CPPED1: variants seen among roughly 807,000 people sequenced by gnomAD.
CPPED1 encodes the protein serine/threonine-protein phosphatase CPPED1.
In CPPED1, 28 loss-of-function variants were observed where a neutral mutation model predicts 28.0. That is an observed-to-expected ratio of 1.00 (90% CI 0.74 to 1.37). The LOEUF is 1.37. CPPED1 is among the 40% of genes most tolerant of loss of function. The pLI, the probability that CPPED1 is intolerant of heterozygous loss-of-function variation, is 0.00. For synonymous variants in CPPED1, 198 were observed against 180.2 expected, an observed-to-expected ratio of 1.10 and a Z score of -0.79; for missense variants, 504 against 416.5, an observed-to-expected ratio of 1.21 and a Z score of -1.83.
At chr16:12,736,226 G>A (rs954956451) in intron 2 of CPPED1, among the ~76,000 whole-genome samples, 8 of 151,888 alleles carry the variant, frequency 5.3e-5, no homozygotes, top group Admixed American at 5.3e-4. Flanking sequence ...AGCAGATGAA[G>A]AAAAGGTTAA....
chr16:12,681,076 C>G (rs1449139308), intron 3 of CPPED1, among the ~76,000 whole-genome samples: 1 of 152,158 alleles, frequency 6.6e-6, no homozygotes, highest in Non-Finnish European at 1.5e-5. Context: ...AGCTCATACT[C>G]TAAAACCTGA....
chr16:12,759,163 T>TAAAAAAAAAAAAAAAAAA (rs61373635), intron 2 of CPPED1: 2 of 74,364 alleles, frequency 2.7e-5, no homozygotes, highest in Non-Finnish European at 4.8e-5. Context: ...ACTCTGTCTC[T>TAAAAAAAAAAAAAAAAAA]AAAAAAAAAA....
chr16:12,803,736 C>A lies in CPPED1; in HGVS notation c.41G>T (p.Arg14Met). ...GGGAAACGCGGCCAGGGTCCTGCCC[C>A]TGGCTCTGTGGAAAACACCCCCCGC... The part of the protein sequence containing the change: ...AEAGGVFHRA[R>M]GRTLAAFPAE... Residue 14 changes from arginine to methionine, a missense_variant, in exon 1 of 4, where the codon AGG (arginine) becomes ATG (methionine). Physicochemically the swap from Arg to Met is moderately conservative, Grantham distance 91. Coordinates refer to ENST00000381774, the MANE Select transcript of CPPED1 (RefSeq NM_018340.3). 1 of 1,596,152 alleles carries A rather than the reference C, an allele frequency of 6.3e-7. No homozygotes were observed. The highest frequency in any genetic ancestry group is 2.3e-5 in the East Asian group (1 of 42,958).
chr16:12,703,427 G>A (rs183074589), intron 3 of CPPED1, among the ~76,000 whole-genome samples: 21 of 152,270 alleles, frequency 1.4e-4, no homozygotes, highest in East Asian at 1.4e-3. Flanking sequence ...AACTGATCAC[G>A]TCCCGTGGCC....
chr16:12,766,056 T>C (rs749160424), intron 2 of CPPED1, among the ~76,000 whole-genome samples: 5 of 151,914 alleles, frequency 3.3e-5, no homozygotes, highest in African/African-American at 4.9e-5. Flanking sequence ...AAGCACAAGC[T>C]AGAAAGACAC....
intron 2 of CPPED1, among the ~76,000 whole-genome samples, chr16:12,779,765 C>T (rs981360047): frequency 1.3e-5 from 2 of 152,092 alleles, no homozygotes; most frequent in Non-Finnish European, 2.9e-5. Context: ...TACACTCAGG[C>T]TTACTACAGG....
chr16:12,746,127 C>T (rs1338561522), intron 2 of CPPED1: 1 of 152,164 alleles, frequency 6.6e-6, no homozygotes, highest in African/African-American at 2.4e-5. Context: ...GTAATCCCAA[C>T]ACTTTGGGAG....
At chr16:12,786,087 G>A (rs1459532010) in intron 1 of CPPED1, among the ~76,000 whole-genome samples, 1 of 152,208 alleles carries the variant, frequency 6.6e-6, no homozygotes, top group East Asian at 1.9e-4. Context: ...TGATGAAGAG[G>A]GACAAGGTGA....
chr16:12,795,239 C>T (rs1247011287), intron 1 of CPPED1, among the ~76,000 whole-genome samples: 3 of 152,230 alleles, frequency 2.0e-5, no homozygotes, highest in African/African-American at 7.2e-5. Context: ...AACCCTTCCC[C>T]CGGGCAGATG....
chr16:12,803,692 A>G lies in CPPED1; in HGVS notation c.70+15T>C, dbSNP rs1232414529. On this transcript the variant is annotated intron_variant, in intron 1 of 3. Transcript: ENST00000381774. ...AGCCCCAGAGTCCCCTCCCCGGGTGAGGGGCGGGCAGTACCTGCGGGAAAC... is the reference window on the plus strand; with the variant it reads ...AGCCCCAGAGTCCCCTCCCCGGGTGGGGGGCGGGCAGTACCTGCGGGAAAC... 3 of 1,540,318 alleles carry G rather than the reference A, an allele frequency of 1.9e-6. No homozygotes were observed. Among genetic ancestry groups the G allele is most frequent in the Admixed American group, 4.1e-5 (2 of 48,756 alleles).
At chr16:12,765,108 C>T (rs1179957172) in intron 2 of CPPED1, among the ~76,000 whole-genome samples, 3 of 152,212 alleles carry the variant, frequency 2.0e-5, no homozygotes, top group Non-Finnish European at 4.4e-5. Context: ...TGATTAAACA[C>T]ATTTACTTTC....
At position 12,775,171 on chromosome 16, in the gene CPPED1, C is replaced by A. The variant is rs145666347; in HGVS notation, c.289+6014G>T. 4.7e-4 allele frequency among the ~76,000 whole-genome samples: 72 copies of A among 152,166 alleles called. 1 individual carries two copies. In the East Asian group the frequency reaches 0.011, roughly 24 times the overall value. On this transcript the variant is annotated intron_variant, in intron 2 of 3. Transcript: ENST00000381774. ...CCGAGTTAGCACACTCAGCCCCCTC[C>A]CCATGTGATGTTCTGTGCCACTTTG... is the stretch of plus-strand genomic sequence containing the variant.
intron 2 of CPPED1, among the ~76,000 whole-genome samples, chr16:12,722,465 C>T (rs996228456): frequency 2.0e-5 from 3 of 152,154 alleles, no homozygotes; most frequent in Non-Finnish European, 4.4e-5. Context: ...CAGCTGGGCG[C>T]GGTGGCTCAC....
At chr16:12,784,964 T>G (rs2080554135) in intron 1 of CPPED1, among the ~76,000 whole-genome samples, 1 of 152,192 alleles carries the variant, frequency 6.6e-6, no homozygotes. Flanking sequence ...AGATTTGACC[T>G]AAAATAAACG....
chr16:12,702,814 C>A (rs1157289830), intron 3 of CPPED1, among the ~76,000 whole-genome samples: 2 of 151,918 alleles, frequency 1.3e-5, no homozygotes, highest in Non-Finnish European at 1.5e-5. Flanking sequence ...GCCTGGCCAA[C>A]ATGGTGAAAC....
chr16:12,798,236 A>G (rs1355859022), intron 1 of CPPED1, among the ~76,000 whole-genome samples: 1 of 152,264 alleles, frequency 6.6e-6, no homozygotes, highest in Admixed American at 6.5e-5. Flanking sequence ...TGATGATTAC[A>G]ACAAAGAGTT....
intron 2 of CPPED1, among the ~76,000 whole-genome samples, chr16:12,765,886 A>G (rs1261096797): frequency 6.6e-6 from 1 of 152,158 alleles, no homozygotes; most frequent in Non-Finnish European, 1.5e-5. Context: ...CACTTGACCA[A>G]TTACCTGATA....
At chr16:12,781,625 C>G (rs950523760) in intron 1 of CPPED1, among the ~76,000 whole-genome samples, 7 of 152,042 alleles carry the variant, frequency 4.6e-5, no homozygotes, top group Non-Finnish European at 1.0e-4. Context: ...CAGAACTGTC[C>G]ACGTGGGCTT....
intron 2 of CPPED1, among the ~76,000 whole-genome samples, chr16:12,744,948 C>T (rs939558512): frequency 5.9e-5 from 9 of 152,152 alleles, no homozygotes; most frequent in African/African-American, 1.9e-4. Flanking sequence ...GATCACACTA[C>T]TGAACTCCAG....
Sources: allele counts gnomAD v4.1 joint callset (sites outside exome capture counted in the v4.1 genomes callset), GRCh38; gene constraint gnomAD v4.1.1; transcripts MANE v1.5; gene names NCBI Gene and HGNC (gene_info 2026-07-23, HGNC 2026-07-21).